Variants in BPIFA2 observed in about 807,000 individuals in gnomAD.
The protein encoded by BPIFA2 is BPI fold-containing family A member 2.
BPIFA2 carries 20 observed loss-of-function variants against 25.7 expected under a neutral mutation model. The ratio of observed to expected loss-of-function variants is 0.78; its 90% CI spans 0.55 to 1.13. The LOEUF (loss-of-function observed/expected upper bound fraction) is 1.13. Ranked by LOEUF, BPIFA2 falls within the 50% of genes most tolerant of loss-of-function variation. The pLI, the probability that BPIFA2 is intolerant of heterozygous loss-of-function variation, is 0.00. For missense variants in BPIFA2, 300 were observed against 298.1 expected, an observed-to-expected ratio of 1.01 and a Z score of -0.05; for synonymous variants, 126 against 124.3, an observed-to-expected ratio of 1.01 and a Z score of -0.09.
chr20:33,174,266 C>T (rs1984002897), intron 4 of BPIFA2, 80 bp downstream of exon 4: 1 of 1,240,870 alleles, frequency 8.1e-7, no homozygotes, highest in Non-Finnish European at 1.2e-6. Flanking sequence ...AATCGGGCAC[C>T]TCCTCCCGCT....
At chr20:33,164,559 CTCTTTCTTTCTT>C (rs72080740), upstream of BPIFA2, among the ~76,000 whole-genome samples, 3 of 151,512 alleles carry the variant, frequency 2.0e-5, no homozygotes, top group East Asian at 3.9e-4. Flanking sequence ...TCCCCTCTCT[CTCTTTCTTTCTT>C]TCTTTCTTTC....
intron 2 of BPIFA2, among the ~76,000 whole-genome samples, chr20:33,172,696 G>A (rs757428042): frequency 1.3e-5 from 2 of 152,072 alleles, no homozygotes; most frequent in South Asian, 2.1e-4. Context: ...TTAATAGTAC[G>A]GAGGCAGTAT....
upstream of BPIFA2, among the ~76,000 whole-genome samples, chr20:33,166,111 G>A (rs534446601): frequency 1.8e-3 from 273 of 152,216 alleles, 1 homozygote; most frequent in African/African-American, 5.7e-3. Flanking sequence ...CCACCCCCTG[G>A]GTTCAAGTAA....
rs748943654 is a variant in BPIFA2, at chr20:33,175,407, GC to G, written c.414del (p.Ile139SerfsTer8). ...TCACTGTGCATCTTACTTCCTGCAG[GC>G]CCATCATTGGCCAGATTATCAACCT... ...PVTANVTVAGPIIGQIINLKA... is the reference protein window; with the variant it reads ...PVTANVTVAGXIIGQIINLKA... On this transcript the variant is annotated frameshift_variant and splice_region_variant, in exon 5 of 9. Transcript: ENST00000354932. LOFTEE classifies it high-confidence loss of function. 1 of 1,613,432 alleles carries G rather than the reference GC, an allele frequency of 6.2e-7. No homozygotes were observed. The highest frequency in any genetic ancestry group is 8.5e-7 in the Non-Finnish European group (1 of 1,179,632).
At chr20:33,167,538 T>A (rs1983761114), upstream of BPIFA2, among the ~76,000 whole-genome samples, 1 of 152,196 alleles carries the variant, frequency 6.6e-6, no homozygotes, top group African/African-American at 2.4e-5. Flanking sequence ...AATGGAGCTC[T>A]GAAAACCTGC....
chr20:33,167,436 G>A (rs150918006), upstream of BPIFA2, among the ~76,000 whole-genome samples: 97 of 152,222 alleles, frequency 6.4e-4, no homozygotes, highest in African/African-American at 2.1e-3. Flanking sequence ...TGGGTGGAAG[G>A]GTCTTCCCTG....
At position 33,180,523 on chromosome 20, in the gene BPIFA2, ATCC is replaced by A; in HGVS notation, c.716_718del (p.Pro239del). 1 of 1,613,204 alleles carries A rather than the reference ATCC, an allele frequency of 6.2e-7. No individual in the cohort carries two copies. Among genetic ancestry groups the A allele is most frequent in the Non-Finnish European group, 8.5e-7 (1 of 1,179,160 alleles). ...GCTATTGATTTTGTTTCTTCAGATA[ATCC>A]TCAGCACAAAACCCAGCTGCAAACC... On this transcript the variant is annotated inframe_deletion, in exon 8 of 9. Transcript: ENST00000354932.
chr20:33,173,558 T>C (rs746139082), intron 3 of BPIFA2, among the ~76,000 whole-genome samples: 1 of 152,072 alleles, frequency 6.6e-6, no homozygotes, highest in Non-Finnish European at 1.5e-5. Context: ...CAGGCTGGAG[T>C]GCAATGGCAC....
At chr20:33,176,680 C>T (rs1984089688) in intron 5 of BPIFA2, among the ~76,000 whole-genome samples, 1 of 152,192 alleles carries the variant, frequency 6.6e-6, no homozygotes, top group South Asian at 2.1e-4. Flanking sequence ...TCCAGATCCT[C>T]CCAGGGTCTT....
chr20:33,169,287 G>C lies in BPIFA2; in HGVS notation c.142G>C (p.Asp48His). 6.2e-7 allele frequency: 1 copy of C among 1,614,040 alleles called. No individual in the cohort carries two copies. The highest frequency in any genetic ancestry group is 1.7e-5 in the Admixed American group (1 of 60,018). The change falls in exon 2 of 9, where the codon GAC becomes CAC. Residue 48 changes from aspartate (D) to histidine (H), a missense_variant. By Grantham distance (81) the Asp-to-His change is moderately conservative. Transcript: ENST00000354932. ...TCTTCACGAGGGACTTGAGACAGTT[G>C]ACAATACTCTTAAAGGTAAATCAAC... ...PVLHEGLETVDNTLKGILEKL... is the reference protein window; with the variant it reads ...PVLHEGLETVHNTLKGILEKL...
At chr20:33,177,996 T>C (rs980830307) in intron 5 of BPIFA2, 151 bp from the exon 6 acceptor site, 1 of 562,536 alleles carries the variant, frequency 1.8e-6, no homozygotes, top group Non-Finnish European at 3.1e-6. Flanking sequence ...TGATGATCCA[T>C]GTGGATGGGA....
At position 33,172,922 on chromosome 20, in the gene BPIFA2, T is replaced by C. The variant is rs774761077; in HGVS notation, c.158-10T>C. The stretch of plus-strand genomic sequence containing the variant: ...GGTGCGTGACACAAAATGGCGATTG[T>C]TTTTGGCAGGCATCCTTGAGAAACT... On this transcript the variant is annotated splice_polypyrimidine_tract_variant and intron_variant, in intron 2 of 8. Coordinates refer to ENST00000354932, the MANE Select transcript of BPIFA2 (RefSeq NM_080574.4). The C allele has an allele frequency of 1.9e-6, 3 of 1,610,928 alleles. No homozygotes were observed. Among genetic ancestry groups the C allele is most frequent in the Non-Finnish European group, 1.7e-6 (2 of 1,178,652 alleles).
In BPIFA2 at chr20:33,180,568, G is replaced by T; in HGVS notation, c.*8G>T. Reference sequence around the variant, plus strand: ...CTGCAAACCCTCATCTGAAGAGGACGAATGAGGAGGACCACTGTGGTGCAT... The same window carrying T: ...CTGCAAACCCTCATCTGAAGAGGACTAATGAGGAGGACCACTGTGGTGCAT... On this transcript the variant is annotated 3_prime_UTR_variant, in exon 8 of 9. Transcript: ENST00000354932. The T allele has an allele frequency of 6.2e-7, 1 of 1,611,062 alleles. No individual in the cohort carries two copies. Among genetic ancestry groups the T allele is most frequent in the Non-Finnish European group, 8.5e-7 (1 of 1,177,220 alleles).
At chr20:33,178,362 T>C (rs1984157406) in intron 6 of BPIFA2, 134 bp downstream of exon 6, 1 of 630,666 alleles carries the variant, frequency 1.6e-6, no homozygotes, top group Non-Finnish European at 2.7e-6. Flanking sequence ...CAGCTGGAGC[T>C]TCCTCCTCTA....
At chr20:33,162,886 C>T (rs888942912) in intron 1 of BPIFA2, among the ~76,000 whole-genome samples, 7 of 152,214 alleles carry the variant, frequency 4.6e-5, no homozygotes, top group East Asian at 1.9e-4. Flanking sequence ...GTGCTAACTT[C>T]GACCCCATTC....
At chr20:33,176,594 C>T (rs370097516) in intron 5 of BPIFA2, among the ~76,000 whole-genome samples, 2 of 152,196 alleles carry the variant, frequency 1.3e-5, no homozygotes, top group South Asian at 2.1e-4. Context: ...GTGCTATCTT[C>T]CCAAGTAGCC....
chr20:33,179,691 C>A (rs1984207565), intron 7 of BPIFA2, 24 bp downstream of exon 7: 3 of 1,584,712 alleles, frequency 1.9e-6, no homozygotes, highest in Non-Finnish European at 2.6e-6. Context: ...GAAGTGGGGA[C>A]CTTCTGAGGC....
At position 33,169,245 on chromosome 20, in the gene BPIFA2, G is replaced by T; in HGVS notation, c.100G>T (p.Asp34Tyr). The T allele has an allele frequency of 6.2e-7, 1 of 1,614,110 alleles. No individual in the cohort carries two copies. Residue 34 changes from aspartate (D) to tyrosine (Y), a missense_variant, in exon 2 of 9, where the codon GAT (aspartate) becomes TAT (tyrosine). Physicochemically the swap from Asp to Tyr is radical, Grantham distance 160. Transcript: ENST00000354932. Reference sequence around the variant, plus strand: ...TGGCAATGACCTAAGCAATGTCGTGGATAAGCTGGAACCTGTTCTTCACGA... The same window carrying T: ...TGGCAATGACCTAAGCAATGTCGTGTATAAGCTGGAACCTGTTCTTCACGA... ...NLGNDLSNVVDKLEPVLHEGL... is the reference protein window; with the variant it reads ...NLGNDLSNVVYKLEPVLHEGL...
Position 33,175,535 on chromosome 20 carries a change from G to A in BPIFA2, c.539G>A (p.Ser180Asn), listed in dbSNP as rs776593100. Reference sequence around the variant, plus strand: ...GGAGAATGCGCCAGTGACCCAACCAGCATCTCACTTTCCTTGCTGGACAAG... The same window carrying A: ...GGAGAATGCGCCAGTGACCCAACCAACATCTCACTTTCCTTGCTGGACAAG... Reference protein sequence around the residue: ...VLGECASDPTSISLSLLDKHS... With the variant: ...VLGECASDPTNISLSLLDKHS... Residue 180 changes from serine (S) to asparagine (N), a missense_variant, in exon 5 of 9, where the codon AGC becomes AAC. Ser to Asn is a conservative substitution (Grantham distance 46, BLOSUM62 1). Coordinates refer to ENST00000354932, the MANE Select transcript of BPIFA2 (RefSeq NM_080574.4). 6.2e-7 allele frequency: 1 copy of A among 1,613,984 alleles called. No individual in the cohort carries two copies. The highest frequency in any genetic ancestry group is 8.5e-7 in the Non-Finnish European group (1 of 1,179,970).
Sources: allele counts gnomAD v4.1 joint callset (sites outside exome capture counted in the v4.1 genomes callset), GRCh38; gene constraint gnomAD v4.1.1; transcripts MANE v1.5; gene names NCBI Gene and HGNC (gene_info 2026-07-23, HGNC 2026-07-21).